The following MCPH1 variants were observed in gnomAD, a reference collection of about 807,000 sequenced individuals.
MCPH1 encodes the protein microcephalin 1, also known as microcephalin.
In MCPH1, 104 loss-of-function variants were observed where a neutral mutation model predicts 84.5. The observed-to-expected ratio is 1.23, with a 90% CI of 1.05 to 1.45. MCPH1 has a LOEUF of 1.45. Among genes scored for constraint, MCPH1 ranks in the 40% most tolerant of loss-of-function variants. The pLI is 0.00. For missense variants in MCPH1, 1,498 were observed against 1,005.7 expected (o/e 1.49, Z -6.62); for synonymous variants, 514 against 366.8 (o/e 1.40, Z -4.58).
At chr8:6,564,316 A>G (rs1825954304) in intron 12 of MCPH1, among the ~76,000 whole-genome samples, 1 of 152,146 alleles carries the variant, frequency 6.6e-6, no homozygotes, top group African/African-American at 2.4e-5. Context: ...TTGACATCTC[A>G]GCATTTTGTA....
chr8:6,513,945 G>C, intron 12 of MCPH1: 2 of 1,143,006 alleles, frequency 1.7e-6, no homozygotes, highest in Non-Finnish European at 2.4e-6. Flanking sequence ...CTATCAAATA[G>C]CAGAAATTCC....
intron 8 of MCPH1, among the ~76,000 whole-genome samples, chr8:6,454,721 A>G (rs1011630549): frequency 1.3e-5 from 2 of 152,196 alleles, no homozygotes; most frequent in African/African-American, 4.8e-5. Context: ...TCTGTACTGA[A>G]GACTATTTTC....
chr8:6,648,065 T>A lies in MCPH1; in HGVS notation c.*5016T>A, dbSNP rs1240585945. 1.3e-5 allele frequency: 2 copies of A among 152,164 alleles called. No homozygotes were observed. The highest frequency in any genetic ancestry group is 2.9e-5 in the Non-Finnish European group (2 of 68,040). The allele number at this position is 152,164 out of a possible 1,614,324, so 9.4% of individuals were successfully genotyped here. ...CACTGACCAACCTGCATCTGGTAGT[T>A]CATTTAAGGTCGGCCTTGGCTTTCA... On this transcript the variant is annotated 3_prime_UTR_variant, in exon 14 of 14. Coordinates refer to ENST00000344683, the MANE Select transcript of MCPH1 (RefSeq NM_024596.5).
intron 12 of MCPH1, among the ~76,000 whole-genome samples, chr8:6,618,281 A>G (rs549298706): frequency 6.6e-6 from 1 of 152,352 alleles, no homozygotes; most frequent in African/African-American, 2.4e-5. Flanking sequence ...GCAGCTTAGA[A>G]TTCACAGCTA....
chr8:6,510,444 A>G (rs1814815849), intron 12 of MCPH1, among the ~76,000 whole-genome samples: 2 of 152,220 alleles, frequency 1.3e-5, no homozygotes, highest in Admixed American at 1.3e-4. Context: ...ACATTGGAAT[A>G]ATATAATTTC....
chr8:6,631,624 A>G (rs60438188), intron 13 of MCPH1, among the ~76,000 whole-genome samples: 1,976 of 152,006 alleles, frequency 0.013, 40 homozygotes, highest in African/African-American at 0.045. Context: ...ATAGCACCTC[A>G]GCACCTCACA....
At chr8:6,554,468 A>T (rs1278061190) in intron 12 of MCPH1, among the ~76,000 whole-genome samples, 2 of 152,168 alleles carry the variant, frequency 1.3e-5, no homozygotes, top group African/African-American at 4.8e-5. Context: ...ATTTCCCAAG[A>T]TTTCTATATC....
intron 3 of MCPH1, among the ~76,000 whole-genome samples, chr8:6,416,669 A>G (rs922682155): frequency 5.3e-5 from 8 of 152,146 alleles, no homozygotes; most frequent in African/African-American, 9.7e-5. Flanking sequence ...CTACTTGGTC[A>G]TGTTGTATAC....
At chr8:6,565,779 T>A (rs1166043985) in intron 12 of MCPH1, among the ~76,000 whole-genome samples, 8 of 152,126 alleles carry the variant, frequency 5.3e-5, no homozygotes, top group Non-Finnish European at 1.2e-4. Flanking sequence ...AAATTGGATG[T>A]GGTAAGAGAG....
intron 12 of MCPH1, among the ~76,000 whole-genome samples, chr8:6,546,857 A>T (rs1456308587): frequency 6.6e-6 from 1 of 152,234 alleles, no homozygotes; most frequent in East Asian, 1.9e-4. Context: ...TAAGTCAAAA[A>T]GAACTAATAA....
intron 12 of MCPH1, among the ~76,000 whole-genome samples, chr8:6,506,666 G>A (rs1563310120): frequency 6.6e-6 from 1 of 152,028 alleles, no homozygotes; most frequent in Non-Finnish European, 1.5e-5. Flanking sequence ...GAAACAGGAA[G>A]CTTTTGCAAA....
Position 6,499,836 on chromosome 8 carries a change from G to A in MCPH1, c.2137-16G>A, listed in dbSNP as rs913017325. On this transcript the variant is annotated splice_polypyrimidine_tract_variant and intron_variant, in intron 11 of 13. Transcript: ENST00000344683. ...TAATAAATGTATAATAAATCTGCTT[G>A]TTGTGTCACTTGCAGGTGCTATGGT... The A allele has an allele frequency of 1.2e-6, 2 of 1,611,562 alleles. No homozygotes were observed. The highest frequency in any genetic ancestry group is 1.7e-6 in the Non-Finnish European group (2 of 1,178,856).
At chr8:6,457,770 C>T (rs1805858479) in intron 9 of MCPH1, among the ~76,000 whole-genome samples, 1 of 152,196 alleles carries the variant, frequency 6.6e-6, no homozygotes, top group South Asian at 2.1e-4. Context: ...GCAGAAGGAG[C>T]AAGACCTAGG....
At chr8:6,631,457 G>T (rs1285838219) in intron 13 of MCPH1, among the ~76,000 whole-genome samples, 1 of 135,628 alleles carries the variant, frequency 7.4e-6, no homozygotes, top group African/African-American at 2.9e-5. Context: ...AAGAACTCCT[G>T]CAACTCAACA....
chr8:6,418,824 C>T (rs1189816878), intron 3 of MCPH1, among the ~76,000 whole-genome samples: 1 of 152,158 alleles, frequency 6.6e-6, no homozygotes, highest in African/African-American at 2.4e-5. Context: ...TCGTGATCTG[C>T]CTGCCTCAGC....
rs1049558722 is a variant in MCPH1, at chr8:6,570,533, C to T, written c.2215-50921C>T. Reference sequence around the variant, plus strand: ...TAGAGTAAGCGCAGGAGTTAAAGGACGCGGGCCTCCACAGCCAAGGCCTTA... The same window carrying T: ...TAGAGTAAGCGCAGGAGTTAAAGGATGCGGGCCTCCACAGCCAAGGCCTTA... On this transcript the variant is annotated intron_variant, in intron 12 of 13. Transcript: ENST00000344683. 5.9e-5 allele frequency among the ~76,000 whole-genome samples: 9 copies of T among 152,228 alleles called. No individual in the cohort carries two copies. The East Asian group carries it at 1.7e-3, about 29-fold the overall frequency.
intron 12 of MCPH1, 187 bp from the exon 13 acceptor site, chr8:6,621,267 G>C (rs1831383501): frequency 5.7e-6 from 4 of 702,254 alleles, no homozygotes; most frequent in Admixed American, 2.7e-5. Context: ...TTCAGAAAAC[G>C]TCAGTTTTAT....
Position 6,643,789 on chromosome 8 carries a change from G to C in MCPH1, c.*740G>C, listed in dbSNP as rs537456149. On this transcript the variant is annotated 3_prime_UTR_variant, in exon 14 of 14. Transcript: ENST00000344683. ...TCTCTTAAAGTAATGAAAGGAGATA[G>C]GTATGGGGGGTGTTATACAGGATAA... 19 of 152,622 alleles carry C rather than the reference G, an allele frequency of 1.2e-4. No homozygotes were observed. Among genetic ancestry groups the C allele is most frequent in the African/African-American group, 4.6e-4 (19 of 41,456 alleles). The allele number at this position is 152,622 out of a possible 1,614,324, so 9.5% of individuals were successfully genotyped here. A position where few individuals can be genotyped will look rare whatever the true frequency, so the allele number is the denominator to read the frequency against.
chr8:6,450,969 A>C (rs1805019471), intron 8 of MCPH1, among the ~76,000 whole-genome samples: 1 of 152,046 alleles, frequency 6.6e-6, no homozygotes, highest in South Asian at 2.1e-4. Context: ...CTGCCTCCCA[A>C]AGTGCTGGGA....
Sources: allele counts gnomAD v4.1 joint callset (sites outside exome capture counted in the v4.1 genomes callset), GRCh38; gene constraint gnomAD v4.1.1; transcripts MANE v1.5; gene names NCBI Gene and HGNC (gene_info 2026-07-23, HGNC 2026-07-21).